Variants in CSE1L observed in about 807,000 individuals in gnomAD.
CSE1L encodes the protein chromosome segregation 1 like, also known as exportin-2.
In CSE1L, 24 loss-of-function variants were observed where a neutral mutation model predicts 120.4. The observed-to-expected ratio is 0.20, with a 90% CI of 0.14 to 0.28. CSE1L has a LOEUF of 0.28. Among genes scored for constraint, CSE1L ranks in the 10% least tolerant of loss-of-function variants. The pLI, the probability that CSE1L is intolerant of heterozygous loss-of-function variation, is 1.00. For missense variants in CSE1L, 830 were observed against 1,145.2 expected, an observed-to-expected ratio of 0.72 and a Z score of 3.97; for synonymous variants, 402 against 398.3, an observed-to-expected ratio of 1.01 and a Z score of -0.11.
Position 49,078,567 on chromosome 20 carries a change from A to G in CSE1L, c.1427A>G (p.Glu476Gly). 6.4e-7 allele frequency: 1 copy of G among 1,573,048 alleles called. No homozygotes were observed. The highest frequency in any genetic ancestry group is 8.6e-7 in the Non-Finnish European group (1 of 1,159,032). Reference protein sequence around the residue: ...LPDLKSANVNEFPVLKADGIK... With the variant: ...LPDLKSANVNGFPVLKADGIK... ...TTTCTGTTTTTTTATATAGTGAATG[A>G]ATTTCCTGTCCTTAAAGCTGACGGT... is the stretch of plus-strand genomic sequence containing the variant. The change falls in exon 14 of 25, where the codon GAA becomes GGA. Residue 476 changes from glutamate to glycine, a missense_variant. Transcript: ENST00000262982.
intron 1 of CSE1L, among the ~76,000 whole-genome samples, chr20:49,048,064 T>G (rs535798452): frequency 9.9e-5 from 15 of 152,240 alleles, no homozygotes; most frequent in Non-Finnish European, 1.5e-4. Context: ...GACCCTTTAG[T>G]CTTGGATTCC....
At chr20:49,096,197 A>G (rs1250514607) in intron 24 of CSE1L, 152 bp from the exon 25 acceptor site, 1 of 717,930 alleles carries the variant, frequency 1.4e-6, no homozygotes, top group South Asian at 1.5e-5. Context: ...AAGGCATAAA[A>G]GCAGTTGAGT....
At chr20:49,089,768 C>G in intron 19 of CSE1L, 22 bp downstream of exon 19, 1 of 1,605,946 alleles carries the variant, frequency 6.2e-7, no homozygotes, top group Non-Finnish European at 8.5e-7. Context: ...TTTGATATAA[C>G]TGTAATTTTA....
Position 49,066,302 on chromosome 20 carries a change from G to A in CSE1L, c.330+9G>A, listed in dbSNP as rs150897794. On this transcript the variant is annotated intron_variant, in intron 4 of 24. Transcript: ENST00000262982. The stretch of plus-strand genomic sequence containing the variant: ...AGCAAATTCAGAAGCAGGTAATGTC[G>A]CTCCACTTTTTAGATGGGCTCCTCT... 2.2e-5 allele frequency: 36 copies of A among 1,613,956 alleles called. No homozygotes were observed. Among genetic ancestry groups the A allele is most frequent in the South Asian group, 2.0e-4 (18 of 91,082 alleles).
intron 2 of CSE1L, among the ~76,000 whole-genome samples, chr20:49,059,807 G>T (rs1439421751): frequency 6.6e-6 from 1 of 152,052 alleles, no homozygotes; most frequent in Non-Finnish European, 1.5e-5. Flanking sequence ...TTGAACCTGG[G>T]AGGTGGAGGT....
chr20:49,050,462 G>A lies in CSE1L; in HGVS notation c.-12+4039G>A, dbSNP rs2091758204. 5.5e-5 allele frequency among the ~76,000 whole-genome samples: 8 copies of A among 146,296 alleles called. No individual in the cohort carries two copies. The Admixed American group carries it at 5.6e-4, about 10-fold the overall frequency. On this transcript the variant is annotated intron_variant, in intron 1 of 24. Transcript: ENST00000262982. Reference sequence around the variant, plus strand: ...CCCAGGCTAGAGCTAGAGTGCAATGGTGCAGTCTTGGCTCATTGAAACCTC... The same window carrying A: ...CCCAGGCTAGAGCTAGAGTGCAATGATGCAGTCTTGGCTCATTGAAACCTC...
intron 23 of CSE1L, 124 bp downstream of exon 23, chr20:49,094,410 C>A: frequency 1.1e-6 from 1 of 919,846 alleles, no homozygotes; most frequent in Non-Finnish European, 1.7e-6. Flanking sequence ...TCTCCACAAT[C>A]AGATCCAAGA....
chr20:49,047,516 C>G (rs572317438), intron 1 of CSE1L, among the ~76,000 whole-genome samples: 4 of 149,346 alleles, frequency 2.7e-5, no homozygotes, highest in Admixed American at 6.7e-5. Flanking sequence ...TAGGCCTCCC[C>G]TAACCAACCT....
At chr20:49,076,931 T>C (rs1362676840) in intron 12 of CSE1L, 49 bp from the exon 13 acceptor site, 2 of 1,170,438 alleles carry the variant, frequency 1.7e-6, no homozygotes, top group Admixed American at 2.2e-5. Context: ...ATGTGATAGA[T>C]ATATACAGGT....
chr20:49,046,709 C>T, intron 1 of CSE1L, among the ~76,000 whole-genome samples: 1 of 152,388 alleles, frequency 6.6e-6, no homozygotes, highest in Non-Finnish European at 1.5e-5. Context: ...CGCGAGCCTG[C>T]GGATTGCCCG....
intron 16 of CSE1L, among the ~76,000 whole-genome samples, chr20:49,087,655 T>C (rs2092070607): frequency 6.6e-6 from 1 of 152,118 alleles, no homozygotes; most frequent in African/African-American, 2.4e-5. Context: ...AAGCATGGCC[T>C]CTGCTACTGA....
At chr20:49,070,765 A>G (rs1398506567) in intron 8 of CSE1L, among the ~76,000 whole-genome samples, 2 of 152,110 alleles carry the variant, frequency 1.3e-5, no homozygotes, top group Non-Finnish European at 2.9e-5. Context: ...GACCCCCATC[A>G]CTACAAAAAA....
rs1350967070 is a variant in CSE1L, at chr20:49,094,775, G to A, written c.2638G>A (p.Glu880Lys). Residue 880 changes from glutamate (E) to lysine (K), a missense_variant, in exon 24 of 25, where the codon GAA becomes AAA. Transcript: ENST00000262982. ...QSLIGLFELP[E>K]DDTIPDEEHF... ...TTTGATTGGTCTTTTTGAGTTACCC[G>A]AAGATGATACCATTCCTGATGAGGA... 12 of 1,613,836 alleles carry A rather than the reference G, an allele frequency of 7.4e-6. No individual in the cohort carries two copies. The highest frequency in any genetic ancestry group is 1.7e-5 in the Admixed American group (1 of 59,982).
chr20:49,094,432 G>T (rs1248107279), intron 23 of CSE1L, 146 bp downstream of exon 23: 1 of 826,152 alleles, frequency 1.2e-6, no homozygotes, highest in Admixed American at 2.8e-5. Flanking sequence ...ATGATTTCTG[G>T]ATCCTTCTGG....
rs775837139 is a variant in CSE1L, at chr20:49,075,374, T to A, written c.1189T>A (p.Phe397Ile). 2 of 1,614,162 alleles carry A rather than the reference T, an allele frequency of 1.2e-6. No individual in the cohort carries two copies. Among genetic ancestry groups the A allele is most frequent in the South Asian group, 2.2e-5 (2 of 91,084 alleles). The stretch of plus-strand genomic sequence containing the variant: ...TCTGGTACGAGGATTATGCAAGTTT[T>A]TTGAGGGACCTGTGACAGGAATCTT... Reference protein sequence around the residue: ...CDLVRGLCKFFEGPVTGIFSG... With the variant: ...CDLVRGLCKFIEGPVTGIFSG... Residue 397 changes from phenylalanine to isoleucine, a missense_variant, in exon 12 of 25, where the codon TTT becomes ATT. Phe to Ile is a conservative substitution (Grantham distance 21, BLOSUM62 0). Around this residue, in one of 4 missense-constraint regions of CSE1L, gnomAD observed 543 missense variants for 640.2 expected, o/e 0.85. Coordinates refer to ENST00000262982, the MANE Select transcript of CSE1L (RefSeq NM_001316.4).
intron 19 of CSE1L, among the ~76,000 whole-genome samples, chr20:49,090,408 T>G (rs973910342): frequency 6.6e-6 from 1 of 151,766 alleles, no homozygotes; most frequent in Non-Finnish European, 1.5e-5. Context: ...AAATAAAAAT[T>G]AGGTGGGTGT....
At chr20:49,082,211 AT>A (rs1287291535) in intron 14 of CSE1L, among the ~76,000 whole-genome samples, 2 of 148,590 alleles carry the variant, frequency 1.3e-5, no homozygotes, top group African/African-American at 2.5e-5. Flanking sequence ...GTAGGTTTTA[AT>A]TTTTTTTTAG....
At chr20:49,074,601 C>A (rs1305390403) in intron 10 of CSE1L, among the ~76,000 whole-genome samples, 184 bp from the exon 11 acceptor site, 1 of 152,140 alleles carries the variant, frequency 6.6e-6, no homozygotes, top group Non-Finnish European at 1.5e-5. Flanking sequence ...TTACCTAATA[C>A]CTCACCTTTC....
intron 1 of CSE1L, among the ~76,000 whole-genome samples, chr20:49,053,386 T>G (rs1472018111): frequency 4.2e-5 from 6 of 142,820 alleles, no homozygotes; most frequent in Non-Finnish European, 1.5e-5. Flanking sequence ...GAGACTGCGT[T>G]TCTCTCTTGT....
Sources: allele counts gnomAD v4.1 joint callset (sites outside exome capture counted in the v4.1 genomes callset), GRCh38; gene constraint gnomAD v4.1.1; regional missense constraint gnomAD v4.1.1; transcripts MANE v1.5; gene names NCBI Gene and HGNC (gene_info 2026-07-23, HGNC 2026-07-21).